Variants in LNX1 observed in about 807,000 individuals in gnomAD.
The protein encoded by LNX1 is E3 ubiquitin-protein ligase LNX.
In LNX1, 54 loss-of-function variants were observed where a neutral mutation model predicts 68.4. That is an observed-to-expected ratio of 0.79 (90% CI 0.63 to 0.99). The LOEUF is 0.99. Ranked by LOEUF, LNX1 falls within the 50% of genes least tolerant of loss-of-function variation. LNX1 has a pLI of 0.00. For missense variants in LNX1, 906 were observed against 926.4 expected (o/e 0.98, Z 0.29); for synonymous variants, 336 against 350.0 (o/e 0.96, Z 0.45).
upstream of LNX1, among the ~76,000 whole-genome samples, chr4:53,596,313 G>A (rs1732751733): frequency 6.6e-6 from 1 of 152,164 alleles, no homozygotes; most frequent in Non-Finnish European, 1.5e-5. Context: ...TACAGTTTAG[G>A]AGGAAACACT....
intron 2 of LNX1, among the ~76,000 whole-genome samples, chr4:53,570,463 A>G (rs1443290557): frequency 1.5e-5 from 2 of 130,764 alleles, no homozygotes; most frequent in African/African-American, 5.7e-5. Flanking sequence ...GAATTGAACA[A>G]TGAGATCACA....
intron 2 of LNX1, among the ~76,000 whole-genome samples, chr4:53,524,784 A>C (rs1727493458): frequency 6.6e-6 from 1 of 152,206 alleles, no homozygotes; most frequent in Non-Finnish European, 1.5e-5. Context: ...GAGGAATTTA[A>C]CATCCAGCTA....
At chr4:53,568,579 A>AAGGG (rs1310080899) in intron 2 of LNX1, among the ~76,000 whole-genome samples, 1 of 43,236 alleles carries the variant, frequency 2.3e-5, no homozygotes, top group Non-Finnish European at 5.4e-5. Context: ...CCCTTTGAAA[A>AAGGG]CGGGCACAAG....
At chr4:53,621,617 T>TCTG (rs1733883313), upstream of LNX1, among the ~76,000 whole-genome samples, 1 of 152,188 alleles carries the variant, frequency 6.6e-6, no homozygotes, top group East Asian at 1.9e-4. Flanking sequence ...CAGTCAGTTG[T>TCTG]CTGGTTTGCT....
chr4:53,535,282 A>C (rs186432333), intron 2 of LNX1, among the ~76,000 whole-genome samples: 6 of 152,344 alleles, frequency 3.9e-5, no homozygotes, highest in Admixed American at 2.0e-4. Context: ...TTGGATGCTT[A>C]AGCCATGACT....
chr4:53,476,375 G>A (rs757509713), intron 9 of LNX1, among the ~76,000 whole-genome samples: 11 of 152,278 alleles, frequency 7.2e-5, no homozygotes, highest in East Asian at 3.9e-4. Context: ...CAGATTAGGC[G>A]AAGGTGAACC....
intron 2 of LNX1, among the ~76,000 whole-genome samples, chr4:53,543,709 A>T (rs1728908239): frequency 6.6e-6 from 1 of 152,196 alleles, no homozygotes. Flanking sequence ...ATGGTAAACA[A>T]ATGTTAAGAA....
At chr4:53,468,445 G>A (rs1391578020) in intron 9 of LNX1, among the ~76,000 whole-genome samples, 2 of 152,142 alleles carry the variant, frequency 1.3e-5, no homozygotes, top group South Asian at 2.1e-4. Context: ...TAATGAGCAA[G>A]CTAACCAGCA....
intron 2 of LNX1, among the ~76,000 whole-genome samples, chr4:53,535,968 A>G (rs1489858852): frequency 6.6e-6 from 1 of 152,178 alleles, no homozygotes; most frequent in Non-Finnish European, 1.5e-5. Flanking sequence ...CAAGGTCAGT[A>G]CTTCCGAGAG....
At chr4:53,559,066 C>T (rs142338961) in intron 2 of LNX1, among the ~76,000 whole-genome samples, 10 of 152,042 alleles carry the variant, frequency 6.6e-5, no homozygotes, top group Admixed American at 5.2e-4. Context: ...AGAAATGGCT[C>T]GAAGGGATAA....
At chr4:53,621,196 C>A (rs1401129552), upstream of LNX1, among the ~76,000 whole-genome samples, 1 of 152,116 alleles carries the variant, frequency 6.6e-6, no homozygotes, top group Non-Finnish European at 1.5e-5. Flanking sequence ...GACTTGTATG[C>A]ATATTCAAGT....
At chr4:53,531,276 T>A (rs1354423535) in intron 2 of LNX1, among the ~76,000 whole-genome samples, 1 of 152,236 alleles carries the variant, frequency 6.6e-6, no homozygotes, top group Non-Finnish European at 1.5e-5. Flanking sequence ...ATTCTGTGAT[T>A]AGCAGAAAAC....
chr4:53,470,963 C>G, intron 9 of LNX1, among the ~76,000 whole-genome samples: 1 of 151,250 alleles, frequency 6.6e-6, no homozygotes, highest in South Asian at 2.1e-4. Flanking sequence ...CTACCAATGA[C>G]TTTCTTCACA....
intron 9 of LNX1, 59 bp from the exon 10 acceptor site, chr4:53,461,652 T>G: frequency 1.5e-6 from 2 of 1,306,552 alleles, no homozygotes; most frequent in Non-Finnish European, 2.1e-6. Flanking sequence ...AAGGGAATAC[T>G]TACTGTGACT....
At chr4:53,574,284 C>T (rs79318513) in intron 1 of LNX1, among the ~76,000 whole-genome samples, 196 bp from the exon 2 acceptor site, 2,384 of 152,258 alleles carry the variant, frequency 0.016, 60 homozygotes, top group African/African-American at 0.054. Context: ...TGTTTTTCCA[C>T]GCATGCCAGT....
At chr4:53,630,934 A>G (rs909154454) in intron 1 of LNX1, among the ~76,000 whole-genome samples, 1 of 152,200 alleles carries the variant, frequency 6.6e-6, no homozygotes, top group African/African-American at 2.4e-5. Flanking sequence ...GGGCATGGGA[A>G]CCATCCACCA....
At position 53,599,327 on chromosome 4, in the gene LNX1, G is replaced by A. The variant is rs576168191; in HGVS notation, c.-214-7812C>T. 9.2e-5 allele frequency among the ~76,000 whole-genome samples: 14 copies of A among 152,264 alleles called. No homozygotes were observed. The South Asian group carries it at 2.9e-3, about 32-fold the overall frequency. Reference sequence around the variant, plus strand: ...CAAGATGGCTATGTGAGTAACCTCTGGTCGTCCTCACTGCTACACTCCCAT... The same window carrying A: ...CAAGATGGCTATGTGAGTAACCTCTAGTCGTCCTCACTGCTACACTCCCAT... On this transcript the variant is annotated intron_variant, in intron 2 of 3. Coordinates refer to the LNX1 transcript ENST00000504299.
intron 2 of LNX1, among the ~76,000 whole-genome samples, chr4:53,537,915 G>A (rs563681904): frequency 7.9e-5 from 12 of 152,250 alleles, no homozygotes; most frequent in Non-Finnish European, 1.3e-4. Context: ...ACCTGAGTGA[G>A]TTGCATCTGT....
chr4:53,490,262 A>G (rs1724590515), intron 6 of LNX1, among the ~76,000 whole-genome samples: 1 of 152,190 alleles, frequency 6.6e-6, no homozygotes, highest in Non-Finnish European at 1.5e-5. Context: ...AAAAGGCTTA[A>G]GAGGGACATT....
Sources: gnomAD v4.1 joint callset for allele counts (sites outside exome capture counted in the v4.1 genomes callset) on GRCh38, gnomAD v4.1.1 for gene constraint, MANE v1.5 for transcripts, NCBI Gene and HGNC (gene_info 2026-07-23, HGNC 2026-07-21) for gene names.